PPEF1: variants seen among roughly 807,000 people sequenced by gnomAD.
The protein encoded by PPEF1 is serine/threonine-protein phosphatase with EF-hands 1.
PPEF1 carries 12 observed loss-of-function variants against 53.3 expected under a neutral mutation model. The ratio of observed to expected loss-of-function variants is 0.23; its 90% CI spans 0.14 to 0.36. The LOEUF is 0.36. Among genes scored for constraint, PPEF1 ranks in the 10% least tolerant of loss-of-function variants. The probability of loss-of-function intolerance (pLI) is 1.00; values close to 1 mark genes in which losing one functional copy is unlikely to be tolerated. For synonymous variants in PPEF1, 165 were observed against 176.7 expected, an observed-to-expected ratio of 0.93 and a Z score of 0.52; for missense variants, 334 against 490.4, an observed-to-expected ratio of 0.68 and a Z score of 3.01.
At position 18,784,471 on chromosome X, in the gene PPEF1, T is replaced by C. The variant is rs1030579274; in HGVS notation, c.912+423T>C. Reference sequence around the variant, plus strand: ...GTATATTCACATTGTTGTGCAACCATCACCATCACTACCATCTATTTACAG... The same window carrying C: ...GTATATTCACATTGTTGTGCAACCACCACCATCACTACCATCTATTTACAG... On this transcript the variant is annotated intron_variant, in intron 9 of 15. Coordinates refer to ENST00000470157, the MANE Select transcript of PPEF1 (RefSeq NM_001377996.1). 2.3e-4 allele frequency among the ~76,000 whole-genome samples: 25 copies of C among 110,326 alleles called. No homozygotes were observed. The Admixed American group carries it at 2.4e-3, about 11-fold the overall frequency.
rs757534100 is a variant in PPEF1, at chrX:18,725,576, A to G, written c.47-4605A>G. Among the ~76,000 whole-genome samples the G allele has an allele frequency of 1.3e-4, 14 of 111,728 alleles. No homozygotes were observed. In the East Asian group the frequency reaches 4.0e-3, roughly 32 times the overall value. On this transcript the variant is annotated intron_variant, in intron 1 of 15. Transcript: ENST00000470157. The stretch of plus-strand genomic sequence containing the variant: ...CTTGCAGTCTGCCTTTCCCACCCCT[A>G]TTGGCAGAGCCTCACAGGGGGCAAC...
intron 1 of PPEF1, among the ~76,000 whole-genome samples, chrX:18,683,326 G>A (rs1928948928): frequency 9.0e-6 from 1 of 111,423 alleles, no homozygotes; most frequent in South Asian, 3.8e-4. Flanking sequence ...CAACATGTCT[G>A]TGTCAGATAG....
At chrX:18,786,795 AAAAAAG>A (rs202109843) in intron 9 of PPEF1, among the ~76,000 whole-genome samples, 21,536 of 75,328 alleles carry the variant, frequency 0.29, 3,044 homozygotes, top group Non-Finnish European at 0.33. Flanking sequence ...AAAAAAAAAA[AAAAAAG>A]AAAAGAAAAG....
At chrX:18,687,317 A>G (rs906192173) in intron 3 of PPEF1, among the ~76,000 whole-genome samples, 2 of 111,192 alleles carry the variant, frequency 1.8e-5, no homozygotes, top group Non-Finnish European at 3.8e-5. Flanking sequence ...GACAGTAATG[A>G]TCAGTGGCTG....
At chrX:18,675,209 C>G (rs1206051509), upstream of PPEF1, among the ~76,000 whole-genome samples, 1 of 113,312 alleles carries the variant, frequency 8.8e-6, no homozygotes, top group African/African-American at 3.2e-5. Context: ...CACCTCCCTG[C>G]TATCATCTGT....
chrX:18,730,763 G>A (rs1433322315), intron 2 of PPEF1, among the ~76,000 whole-genome samples: 1 of 106,761 alleles, frequency 9.4e-6, no homozygotes, highest in Non-Finnish European at 1.9e-5. Flanking sequence ...CACCCAGGCT[G>A]GAGTGCAATG....
intron 6 of PPEF1, among the ~76,000 whole-genome samples, 178 bp downstream of exon 6, chrX:18,761,754 A>T (rs569707893): frequency 9.1e-5 from 10 of 109,557 alleles, no homozygotes; most frequent in African/African-American, 2.6e-4. Context: ...CACACATCTC[A>T]TAAATTTTTA....
chrX:18,807,179 G>A (rs1177456880), intron 12 of PPEF1, among the ~76,000 whole-genome samples: 2 of 110,584 alleles, frequency 1.8e-5, no homozygotes, highest in African/African-American at 3.3e-5. Flanking sequence ...ACAAGGGCCC[G>A]CCACAACACC....
upstream of PPEF1, among the ~76,000 whole-genome samples, chrX:18,675,087 G>C (rs924022655): frequency 1.8e-5 from 2 of 112,913 alleles, no homozygotes; most frequent in African/African-American, 6.4e-5. Flanking sequence ...CCGAGGCGAG[G>C]AGTTTGCGGC....
At chrX:18,815,369 C>T (rs2046884576) in intron 12 of PPEF1, among the ~76,000 whole-genome samples, 1 of 111,805 alleles carries the variant, frequency 8.9e-6, no homozygotes, top group African/African-American at 3.2e-5. Flanking sequence ...GGGCAGTATT[C>T]CCACCTCTTC....
At chrX:18,816,309 TTC>T (rs1365635907) in intron 12 of PPEF1, among the ~76,000 whole-genome samples, 1 of 112,017 alleles carries the variant, frequency 8.9e-6, no homozygotes, top group African/African-American at 3.2e-5. Flanking sequence ...CCCAAATTTC[TTC>T]TGTTGTTAAT....
At chrX:18,750,529 ATTT>A in intron 4 of PPEF1, among the ~76,000 whole-genome samples, 1 of 111,591 alleles carries the variant, frequency 9.0e-6, no homozygotes, top group East Asian at 2.8e-4. Flanking sequence ...TGTATACCAC[ATTT>A]TGTTTATCCA....
intron 4 of PPEF1, among the ~76,000 whole-genome samples, chrX:18,756,741 T>A (rs1410072339): frequency 8.9e-6 from 1 of 112,609 alleles, no homozygotes; most frequent in African/African-American, 3.2e-5. Flanking sequence ...AGAAATTATT[T>A]TCATAATAAT....
intron 6 of PPEF1, among the ~76,000 whole-genome samples, chrX:18,701,048 T>G (rs910410981): frequency 9.8e-5 from 11 of 111,964 alleles, no homozygotes; most frequent in African/African-American, 3.6e-4. Flanking sequence ...GAGTGTGTTA[T>G]TTGAGTCTCA....
At chrX:18,719,158 T>A (rs1172535204) in intron 1 of PPEF1, among the ~76,000 whole-genome samples, 4 of 111,746 alleles carry the variant, frequency 3.6e-5, no homozygotes, top group Admixed American at 9.5e-5. Context: ...TAAAAATTAA[T>A]GTATTCATAA....
intron 1 of PPEF1, among the ~76,000 whole-genome samples, chrX:18,724,912 G>A (rs2044672451): frequency 1.8e-5 from 2 of 110,882 alleles, no homozygotes; most frequent in African/African-American, 6.6e-5. Flanking sequence ...ATGGGGCTTA[G>A]GAATTAGGTG....
chrX:18,743,306 C>T (rs1262327299), intron 3 of PPEF1, among the ~76,000 whole-genome samples: 2 of 111,600 alleles, frequency 1.8e-5, no homozygotes, highest in African/African-American at 3.3e-5. Flanking sequence ...TCCATATCCT[C>T]ACCAACACTT....
rs1051580566 is a variant in PPEF1 at position 18,819,870 on chromosome X, A to G, written c.1501+1725A>G. Among the ~76,000 whole-genome samples the G allele has an allele frequency of 2.7e-5, 3 of 111,429 alleles. No homozygotes were observed. The East Asian group carries it at 8.4e-4, about 31-fold the overall frequency. On this transcript the variant is annotated intron_variant, in intron 13 of 15. Transcript: ENST00000470157. ...TCATAAAGAGGAACAGTGATTCTCAAGTAGAATAAATGAAGTTAAATCCAG... is the reference window on the plus strand; with the variant it reads ...TCATAAAGAGGAACAGTGATTCTCAGGTAGAATAAATGAAGTTAAATCCAG...
intron 3 of PPEF1, among the ~76,000 whole-genome samples, chrX:18,739,403 C>T (rs2045085722): frequency 8.9e-6 from 1 of 112,396 alleles, no homozygotes. Context: ...AGGTCCACTC[C>T]AGACCCTGTT....
Sources: allele counts gnomAD v4.1 joint callset (sites outside exome capture counted in the v4.1 genomes callset), GRCh38; gene constraint gnomAD v4.1.1; transcripts MANE v1.5; gene names NCBI Gene and HGNC (gene_info 2026-07-23, HGNC 2026-07-21).